The following BAD variants were observed in gnomAD, a reference collection of about 807,000 sequenced individuals.
BAD encodes the protein bcl2-associated agonist of cell death.
Under a neutral mutation model 17.8 loss-of-function variants are expected in BAD, and 18 were observed. The observed-to-expected ratio is 1.01, with a 90% confidence interval of 0.70 to 1.50. The LOEUF (loss-of-function observed/expected upper bound fraction) is 1.50. Ranked by LOEUF, BAD falls within the 40% of genes most tolerant of loss-of-function variation. The probability of loss-of-function intolerance (pLI) is 0.00; values close to 1 mark genes in which losing one functional copy is unlikely to be tolerated. For synonymous variants in BAD, 112 were observed against 91.5 expected (o/e 1.22, Z -1.28); for missense variants, 294 against 239.3 (o/e 1.23, Z -1.51).
intron 2 of BAD, among the ~76,000 whole-genome samples, chr11:64,277,361 G>T (rs1286318509): frequency 6.6e-6 from 1 of 152,202 alleles, no homozygotes; most frequent in Non-Finnish European, 1.5e-5. Flanking sequence ...AGCCCCTTCA[G>T]GCCTGCAGAG....
chr11:64,282,244 G>A (rs1198796653), intron 2 of BAD, among the ~76,000 whole-genome samples: 1 of 152,262 alleles, frequency 6.6e-6, no homozygotes. Context: ...GTGTGTGTGG[G>A]GGGCAGAGAG....
chr11:64,279,492 C>G (rs1419180912), intron 2 of BAD, among the ~76,000 whole-genome samples: 1 of 152,232 alleles, frequency 6.6e-6, no homozygotes. Flanking sequence ...AGCGGCCAGA[C>G]GCGGTGGCTC....
At chr11:64,283,568 C>G (rs2033626896) in intron 2 of BAD, among the ~76,000 whole-genome samples, 1 of 152,226 alleles carries the variant, frequency 6.6e-6, no homozygotes, top group Non-Finnish European at 1.5e-5. Flanking sequence ...CAGGACAGTC[C>G]TGCTGTGGGT....
Position 64,270,154 on chromosome 11 carries a change from A to T in BAD, c.*55T>A. On this transcript the variant is annotated 3_prime_UTR_variant, in exon 4 of 4. Transcript: ENST00000309032. ...AGGGAAGTACTTCCGCCCATATTCA[A>T]GATGGCTGCCCAGGGCAGTGGGAAC... 6.2e-7 allele frequency: 1 copy of T among 1,613,356 alleles called. No homozygotes were observed.
In BAD at chr11:64,271,704, C is replaced by A; in HGVS notation, c.287G>T (p.Arg96Leu). Residue 96 changes from arginine to leucine, a missense_variant, in exon 3 of 4, where the codon CGC becomes CTC. Physicochemically the swap from Arg to Leu is moderately radical, Grantham distance 102. Transcript: ENST00000309032. Reference protein sequence around the residue: ...MGEEPSPFRGRSRSAPPNLWA... With the variant: ...MGEEPSPFRGLSRSAPPNLWA... ...GAGGTTGGGGGGCGCCGAGCGCGAG[C>A]GGCCCCGAAAGGGGCTGGGCTCCTC... 1.4e-6 allele frequency: 2 copies of A among 1,467,326 alleles called. No individual in the cohort carries two copies. The highest frequency in any genetic ancestry group is 1.4e-5 in the South Asian group (1 of 72,774). The allele number at this position is 1,467,326 out of a possible 1,614,324, so 90.9% of individuals were successfully genotyped here. A position where few individuals can be genotyped will look rare whatever the true frequency, so the allele number is the denominator to read the frequency against.
At chr11:64,272,662 GGTGA>G (rs1199098375) in intron 2 of BAD, 1 of 152,268 alleles carries the variant, frequency 6.6e-6, no homozygotes, top group Non-Finnish European at 1.5e-5. Flanking sequence ...CACCCTGGGA[GGTGA>G]GTACCAAACA....
chr11:64,272,363 T>C (rs780885969), intron 2 of BAD, among the ~76,000 whole-genome samples: 5 of 151,586 alleles, frequency 3.3e-5, no homozygotes, highest in Admixed American at 6.6e-5. Context: ...AAGACCTTCA[T>C]GGGGCCTCCT....
At chr11:64,281,117 A>G (rs747170923) in intron 2 of BAD, among the ~76,000 whole-genome samples, 73 of 152,110 alleles carry the variant, frequency 4.8e-4, no homozygotes, top group Admixed American at 2.6e-4. Flanking sequence ...ACAGGCGCCC[A>G]CCACCACGCC....
Position 64,271,783 on chromosome 11 carries a change from G to A in BAD, c.208C>T (p.Arg70Trp), listed in dbSNP as rs2032640401. 4.4e-6 allele frequency: 6 copies of A among 1,365,788 alleles called. No homozygotes were observed. The East Asian group carries it at 1.1e-4, about 26-fold the overall frequency. 84.6% of individuals were successfully genotyped at this position (1,365,788 alleles called of 1,614,324 possible). The change falls in exon 3 of 4, where the codon CGG (arginine) becomes TGG (tryptophan). Residue 70 changes from arginine (R) to tryptophan (W), a missense_variant. Physicochemically the swap from Arg to Trp is moderately radical, Grantham distance 101. Transcript: ENST00000309032. ...HHGGAGAVEI[R>W]SRHSSYPAGT... Reference sequence around the variant, plus strand: ...GCGGGGTAGGAGCTGTGGCGACTCCGGATCTCCACAGCCCCAGCGCCTGCA... The same window carrying A: ...GCGGGGTAGGAGCTGTGGCGACTCCAGATCTCCACAGCCCCAGCGCCTGCA...
intron 2 of BAD, 155 bp from the exon 3 acceptor site, chr11:64,271,958 G>T: frequency 2.0e-6 from 1 of 494,176 alleles, no homozygotes; most frequent in Non-Finnish European, 3.2e-6. Context: ...TCCCTTGTAT[G>T]TGAATCGAGG....
intron 3 of BAD, chr11:64,270,779 A>T (rs1426363206): frequency 2.3e-6 from 1 of 425,860 alleles, no homozygotes; most frequent in Non-Finnish European, 4.7e-6. Context: ...TGGGCGACAG[A>T]GCGCACAGGT....
chr11:64,283,069 A>G (rs1224413171), intron 2 of BAD, among the ~76,000 whole-genome samples: 1 of 152,104 alleles, frequency 6.6e-6, no homozygotes, highest in African/African-American at 2.4e-5. Flanking sequence ...AAAACAAAAC[A>G]AACAGAAAAA....
At chr11:64,284,514 C>A in intron 1 of BAD, 117 bp downstream of exon 1, 1 of 1,548,752 alleles carries the variant, frequency 6.5e-7, no homozygotes, top group Non-Finnish European at 8.7e-7. Flanking sequence ...CCTCATCTGT[C>A]TGCCGGGTCT....
At chr11:64,283,740 C>G (rs1565352540) in intron 2 of BAD, among the ~76,000 whole-genome samples, 1 of 152,176 alleles carries the variant, frequency 6.6e-6, no homozygotes, top group South Asian at 2.1e-4. Context: ...TTTTCCTTTT[C>G]GGATCACTGC....
intron 2 of BAD, 64 bp from the exon 3 acceptor site, chr11:64,271,867 C>T (rs2032654089): frequency 1.6e-6 from 2 of 1,266,072 alleles, no homozygotes; most frequent in East Asian, 6.2e-5. Context: ...CCTGGCCCTG[C>T]CTGAACCCTC....
At chr11:64,284,067 T>A in intron 2 of BAD, 115 bp downstream of exon 2, 1 of 1,282,232 alleles carries the variant, frequency 7.8e-7, no homozygotes. Context: ...ACTGGGGCTC[T>A]GAGAGTTTGG....
At chr11:64,271,845 C>T (rs2032650442) in intron 2 of BAD, 42 bp from the exon 3 acceptor site, 1 of 1,339,354 alleles carries the variant, frequency 7.5e-7, no homozygotes, top group Non-Finnish European at 9.6e-7. Context: ...TTAATCTCAG[C>T]TCCTCTAAGC....
chr11:64,278,359 T>C (rs2033206052), intron 2 of BAD, among the ~76,000 whole-genome samples: 1 of 149,266 alleles, frequency 6.7e-6, no homozygotes, highest in Non-Finnish European at 1.5e-5. Context: ...TGAGGCTCCA[T>C]CTTGGAAAAA....
At chr11:64,278,216 C>T (rs987295087) in intron 2 of BAD, among the ~76,000 whole-genome samples, 3 of 151,840 alleles carry the variant, frequency 2.0e-5, no homozygotes, top group Admixed American at 2.0e-4. Flanking sequence ...ATGGCTGGAG[C>T]CCAGAAATTT....
Sources: allele counts gnomAD v4.1 joint callset (sites outside exome capture counted in the v4.1 genomes callset), GRCh38; gene constraint gnomAD v4.1.1; transcripts MANE v1.5; gene names NCBI Gene and HGNC (gene_info 2026-07-23, HGNC 2026-07-21).